CSN1S1: variants seen among roughly 807,000 people sequenced by gnomAD.
CSN1S1 encodes the protein casein alpha s1.
A neutral mutation model predicts 49.1 loss-of-function variants in CSN1S1; 63 were observed. That is an observed-to-expected ratio of 1.28 (90% CI 1.05 to 1.58). The LOEUF is 1.58. CSN1S1 is among the 40% of genes most tolerant of loss of function. The probability of loss-of-function intolerance (pLI) is 0.00; values close to 1 mark genes in which losing one functional copy is unlikely to be tolerated. For synonymous variants in CSN1S1, 78 were observed against 67.1 expected (o/e 1.16, Z -0.79); for missense variants, 260 against 224.7 (o/e 1.16, Z -1.01).
At chr4:69,931,504 A>C (rs1376306984) in intron 1 of CSN1S1, among the ~76,000 whole-genome samples, 4 of 151,934 alleles carry the variant, frequency 2.6e-5, no homozygotes, top group Admixed American at 6.6e-5. Context: ...CTAGCAGAAT[A>C]GTTCAAGGCC....
chr4:69,935,897 G>C, intron 4 of CSN1S1, 29 bp from the exon 5 acceptor site: 1 of 1,408,134 alleles, frequency 7.1e-7, no homozygotes, highest in Non-Finnish European at 9.8e-7. Context: ...AACTATGAAT[G>C]AATTTTAACA....
At chr4:69,944,605 A>T (rs1723091784) in intron 14 of CSN1S1, among the ~76,000 whole-genome samples, 1 of 151,998 alleles carries the variant, frequency 6.6e-6, no homozygotes, top group Non-Finnish European at 1.5e-5. Context: ...TCAGTTTTAA[A>T]TAATGTCCTT....
chr4:69,934,679 A>G lies in CSN1S1; in HGVS notation c.85-11A>G, dbSNP rs139863224. The G allele has an allele frequency of 2.3e-4, 363 of 1,606,170 alleles. No homozygotes were observed. In the East Asian group the frequency reaches 7.1e-3, roughly 31 times the overall value. On this transcript the variant is annotated splice_polypyrimidine_tract_variant and intron_variant, in intron 3 of 15. Transcript: ENST00000246891. ...GGAATAATACCATTTAAAAATTATT[A>G]TTTTTTACAGAATCCATCAGAGAGC...
At chr4:69,936,314 A>G (rs2109716556) in intron 5 of CSN1S1, 142 bp from the exon 6 acceptor site, 1 of 716,616 alleles carries the variant, frequency 1.4e-6, no homozygotes, top group East Asian at 2.7e-5. Flanking sequence ...ATGATATAAT[A>G]AGGAATATTA....
intron 1 of CSN1S1, among the ~76,000 whole-genome samples, 155 bp from the exon 2 acceptor site, chr4:69,932,389 T>C (rs1722634895): frequency 6.6e-6 from 1 of 151,996 alleles, no homozygotes; most frequent in African/African-American, 2.4e-5. Context: ...GTAAAGTTTT[T>C]AAAATCTTAA....
In CSN1S1 at chr4:69,944,916, C is replaced by A; in HGVS notation, c.469C>A (p.Gln157Lys). 6.2e-7 allele frequency: 1 copy of A among 1,612,990 alleles called. No individual in the cohort carries two copies. Among genetic ancestry groups the A allele is most frequent in the East Asian group, 2.2e-5 (1 of 44,834 alleles). ...YAVWYYPQIMQYVPFPPFSDI... is the reference protein window; with the variant it reads ...YAVWYYPQIMKYVPFPPFSDI... ...TGTTTGGTACTATCCACAAATCATG[C>A]AGTATGTTCCTTTCCCACCGTTTTC... The change falls in exon 15 of 16, where the codon CAG (glutamine) becomes AAG (lysine). Residue 157 changes from glutamine to lysine, a missense_variant. Gln to Lys is a moderately conservative substitution (Grantham distance 53). Transcript: ENST00000246891.
chr4:69,937,067 A>C, intron 7 of CSN1S1, 54 bp from the exon 8 acceptor site: 2 of 1,446,032 alleles, frequency 1.4e-6, no homozygotes, highest in Non-Finnish European at 1.9e-6. Context: ...TATGAGATAA[A>C]ATATATATCT....
chr4:69,940,016 T>A lies in CSN1S1; in HGVS notation c.277-5T>A. The A allele has an allele frequency of 7.2e-7, 1 of 1,393,452 alleles. No homozygotes were observed. Among genetic ancestry groups the A allele is most frequent in the Non-Finnish European group, 9.7e-7 (1 of 1,031,130 alleles). The allele number at this position is 1,393,452 out of a possible 1,614,324, so 86.3% of individuals were successfully genotyped here. On this transcript the variant is annotated splice_polypyrimidine_tract_variant and splice_region_variant and intron_variant, in intron 10 of 15. Coordinates refer to ENST00000246891, the MANE Select transcript of CSN1S1 (RefSeq NM_001890.2). Reference sequence around the variant, plus strand: ...AAAACTATGCATGTTTTAATTTTTTTAAAGGAAATGTCTCTCAGTAAGTGT... The same window carrying A: ...AAAACTATGCATGTTTTAATTTTTTAAAAGGAAATGTCTCTCAGTAAGTGT...
Position 69,940,052 on chromosome 4 carries a change from A to C in CSN1S1, c.300+8A>C. 1 of 1,358,532 alleles carries C rather than the reference A, an allele frequency of 7.4e-7. No individual in the cohort carries two copies. The highest frequency in any genetic ancestry group is 2.7e-5 in the East Asian group (1 of 37,640). The allele number at this position is 1,358,532 out of a possible 1,614,324, so 84.2% of individuals were successfully genotyped here. On this transcript the variant is annotated splice_region_variant and intron_variant, in intron 11 of 15. Coordinates refer to ENST00000246891, the MANE Select transcript of CSN1S1 (RefSeq NM_001890.2). ...TCTCTCAGTAAGTGTGCGGTAAGACATATTTGCTAAATTTAAAATATATTA... is the reference window on the plus strand; with the variant it reads ...TCTCTCAGTAAGTGTGCGGTAAGACCTATTTGCTAAATTTAAAATATATTA...
At chr4:69,934,660 A>G (rs1307708470) in intron 3 of CSN1S1, 30 bp from the exon 4 acceptor site, 3 of 1,594,734 alleles carry the variant, frequency 1.9e-6, no homozygotes, top group Non-Finnish European at 2.6e-6. Context: ...AATTGGAATA[A>G]TACCATTTAA....
intron 10 of CSN1S1, among the ~76,000 whole-genome samples, 190 bp downstream of exon 10, chr4:69,939,398 G>A (rs1170160128): frequency 6.6e-6 from 1 of 151,690 alleles, no homozygotes; most frequent in Non-Finnish European, 1.5e-5. Flanking sequence ...GAGACAAATT[G>A]ACAAAATTAT....
intron 4 of CSN1S1, 39 bp from the exon 5 acceptor site, chr4:69,935,887 A>C (rs1166421364): frequency 7.6e-7 from 1 of 1,309,566 alleles, no homozygotes; most frequent in Non-Finnish European, 1.1e-6. Flanking sequence ...TAGATAACTC[A>C]ACTATGAATG....
At position 69,941,080 on chromosome 4, in the gene CSN1S1, A is replaced by C; in HGVS notation, c.342+20A>C. 1 of 1,295,988 alleles carries C rather than the reference A, an allele frequency of 7.7e-7. No homozygotes were observed. The highest frequency in any genetic ancestry group is 1.1e-6 in the Non-Finnish European group (1 of 931,732). The allele number at this position is 1,295,988 out of a possible 1,614,324, so 80.3% of individuals were successfully genotyped here. A position where few individuals can be genotyped will look rare whatever the true frequency, so the allele number is the denominator to read the frequency against. ...CAGCTGGTAATATTTTATTCATTATAATACAAAATCATATTCTACTATAGA... is the reference window on the plus strand; with the variant it reads ...CAGCTGGTAATATTTTATTCATTATCATACAAAATCATATTCTACTATAGA... On this transcript the variant is annotated intron_variant, in intron 12 of 15. Coordinates refer to ENST00000246891, the MANE Select transcript of CSN1S1 (RefSeq NM_001890.2).
intron 11 of CSN1S1, 59 bp downstream of exon 11, chr4:69,940,103 A>G: frequency 1.5e-6 from 1 of 646,084 alleles, no homozygotes; most frequent in Admixed American, 3.5e-5. Context: ...ATTAAAATGC[A>G]CTTACTTTCA....
In CSN1S1 at chr4:69,934,263, A is replaced by G; in HGVS notation, c.84+19A>G. ...CCTTCAGGTAAATATTCTATTCTGC[A>G]TTCCAAGAACTCACTCTAATTGTGA... On this transcript the variant is annotated intron_variant, in intron 3 of 15. Transcript: ENST00000246891. The G allele has an allele frequency of 6.2e-7, 1 of 1,608,406 alleles. No individual in the cohort carries two copies. The highest frequency in any genetic ancestry group is 2.2e-5 in the East Asian group (1 of 44,708).
Position 69,946,031 on chromosome 4 carries a change from A to T in CSN1S1, c.*-165A>T, listed in dbSNP as rs538669538. ...ATAAAAATGTCTTTGTAGCTTAAAA[A>T]CCAAGAGCAATGGATAGGTATGTCA... On this transcript the variant is annotated intron_variant, in intron 15 of 15. Transcript: ENST00000246891. Among the ~76,000 whole-genome samples the T allele has an allele frequency of 1.3e-3, 191 of 152,136 alleles. 1 individual carries two copies. Among genetic ancestry groups the T allele is most frequent in the African/African-American group, 4.3e-3 (179 of 41,544 alleles).
At chr4:69,938,075 C>A (rs185589274) in intron 9 of CSN1S1, among the ~76,000 whole-genome samples, 5 of 151,480 alleles carry the variant, frequency 3.3e-5, no homozygotes. Context: ...GGAATTTAAG[C>A]CATTTAAATA....
intron 14 of CSN1S1, among the ~76,000 whole-genome samples, chr4:69,943,255 G>A (rs1025103330): frequency 6.6e-6 from 1 of 151,496 alleles, no homozygotes; most frequent in South Asian, 2.1e-4. Flanking sequence ...ACAATCTCAG[G>A]TCCCTGCAAC....
rs1018580457 is a variant in CSN1S1, at chr4:69,942,054, C to T, written c.351C>T (p.Ala117=). The change falls in exon 13 of 16, where the codon GCC becomes GCT. Residue 117 remains alanine (A), a synonymous_variant. Transcript: ENST00000246891. The part of the protein sequence containing the change: ...NEYNQLQLQA[A]HAQEQIRRMN... The stretch of plus-strand genomic sequence containing the variant: ...TGTTTTCTCCTCCCTAGCAAGCTGC[C>T]CATGCCCAGGTGAGATTATTTATTA... 2 of 1,462,946 alleles carry T rather than the reference C, an allele frequency of 1.4e-6. No homozygotes were observed. The highest frequency in any genetic ancestry group is 1.4e-5 in the African/African-American group (1 of 71,432). The allele number at this position is 1,462,946 out of a possible 1,614,324, so 90.6% of individuals were successfully genotyped here. A position where few individuals can be genotyped will look rare whatever the true frequency, so the allele number is the denominator to read the frequency against.
Sources: allele counts gnomAD v4.1 joint callset (sites outside exome capture counted in the v4.1 genomes callset), GRCh38; gene constraint gnomAD v4.1.1; transcripts MANE v1.5; gene names NCBI Gene and HGNC (gene_info 2026-07-23, HGNC 2026-07-21).